JAZF1: variants seen among roughly 807,000 people sequenced by gnomAD.
JAZF1 encodes the protein juxtaposed with another zinc finger protein 1.
Under a neutral mutation model 26.4 loss-of-function variants are expected in JAZF1, and 8 were observed. That is an observed-to-expected ratio of 0.30 (90% CI 0.18 to 0.55). The LOEUF (loss-of-function observed/expected upper bound fraction) is 0.55, where lower values mean the gene tolerates loss of function less well. Among genes scored for constraint, JAZF1 ranks in the 20% least tolerant of loss-of-function variants. The pLI, the probability that JAZF1 is intolerant of heterozygous loss-of-function variation, is 0.94. For missense variants in JAZF1, 199 were observed against 322.0 expected, an observed-to-expected ratio of 0.62 and a Z score of 2.92; for synonymous variants, 126 against 122.3, an observed-to-expected ratio of 1.03 and a Z score of -0.20.
At chr7:27,947,305 C>T (rs752573535) in intron 2 of JAZF1, among the ~76,000 whole-genome samples, 4 of 152,204 alleles carry the variant, frequency 2.6e-5, no homozygotes, top group Non-Finnish European at 5.9e-5. Flanking sequence ...CTTTCAAATA[C>T]TTCCAAGATT....
intron 3 of JAZF1, chr7:27,844,194 G>C (rs1782976325): frequency 6.6e-6 from 1 of 152,200 alleles, no homozygotes; most frequent in African/African-American, 2.4e-5. Context: ...GAAAACTTTT[G>C]AGGCCAAAAC....
chr7:28,158,727 C>T (rs1783231874), intron 1 of JAZF1, among the ~76,000 whole-genome samples: 1 of 152,206 alleles, frequency 6.6e-6, no homozygotes, highest in Admixed American at 6.5e-5. Context: ...TGCCTAAGTC[C>T]TCTCACCATC....
intron 1 of JAZF1, among the ~76,000 whole-genome samples, chr7:28,056,635 C>G (rs1437283565): frequency 6.6e-6 from 1 of 152,158 alleles, no homozygotes; most frequent in Non-Finnish European, 1.5e-5. Flanking sequence ...AAACACAGCT[C>G]ATGAAATCAG....
chr7:27,981,731 C>G (rs966126730), intron 2 of JAZF1, among the ~76,000 whole-genome samples: 1 of 152,052 alleles, frequency 6.6e-6, no homozygotes, highest in African/African-American at 2.4e-5. Context: ...TGCCTATAGA[C>G]GGCTATAATA....
intron 1 of JAZF1, among the ~76,000 whole-genome samples, chr7:28,109,671 TA>T (rs370916960): frequency 1.3e-5 from 2 of 152,340 alleles, no homozygotes; most frequent in African/African-American, 4.8e-5. Flanking sequence ...TAGTCCTAGA[TA>T]ATAGAGCTAG....
At chr7:27,999,088 C>T (rs1447748792) in intron 1 of JAZF1, among the ~76,000 whole-genome samples, 1 of 152,142 alleles carries the variant, frequency 6.6e-6, no homozygotes, top group African/African-American at 2.4e-5. Context: ...GAGAAAAGAG[C>T]CTGCCAGAAA....
rs1277315174 is a variant in JAZF1 at position 27,945,333 on chromosome 7, T to A, written c.188+46576A>T. On this transcript the variant is annotated intron_variant, in intron 2 of 4. Coordinates refer to ENST00000283928, the MANE Select transcript of JAZF1 (RefSeq NM_175061.4). ...CGGGGCAAGCCATGCCCAGCACCAA[T>A]TCCCTGGACTAGGAAAAGCTCTGCT... Among the ~76,000 whole-genome samples the A allele has an allele frequency of 3.3e-5, 5 of 152,226 alleles. No homozygotes were observed. The East Asian group carries it at 5.8e-4, about 18-fold the overall frequency.
chr7:28,170,066 CT>C (rs1783430436), intron 1 of JAZF1, among the ~76,000 whole-genome samples: 2 of 151,834 alleles, frequency 1.3e-5, no homozygotes, highest in African/African-American at 4.8e-5. Context: ...GTTTTCAGTG[CT>C]TAACTCACAG....
At chr7:28,139,982 T>A (rs1782939134) in intron 1 of JAZF1, among the ~76,000 whole-genome samples, 1 of 151,964 alleles carries the variant, frequency 6.6e-6, no homozygotes, top group African/African-American at 2.4e-5. Context: ...GAGACGGAGG[T>A]TGGGGAGGGA....
chr7:28,084,520 G>A (rs569803781), intron 1 of JAZF1, among the ~76,000 whole-genome samples: 9 of 152,272 alleles, frequency 5.9e-5, no homozygotes, highest in African/African-American at 1.2e-4. Context: ...CTGGCTTCCC[G>A]TCAGGAAGTT....
intron 1 of JAZF1, among the ~76,000 whole-genome samples, chr7:28,000,622 C>CTTTTTTTTTTTTTTTTT (rs1190147547): frequency 1.6e-5 from 1 of 62,070 alleles, no homozygotes; most frequent in African/African-American, 4.1e-5. Context: ...TTCTTTCTTT[C>CTTTTTTTTTTTTTTTTT]TTTTTTTTTT....
intron 1 of JAZF1, among the ~76,000 whole-genome samples, chr7:28,014,088 C>T (rs923725643): frequency 4.9e-5 from 7 of 141,494 alleles, no homozygotes; most frequent in Non-Finnish European, 1.1e-4. Context: ...AAAATCCAAG[C>T]TTCCAACAGC....
intron 1 of JAZF1, among the ~76,000 whole-genome samples, chr7:28,009,423 T>A (rs1449665566): frequency 1.3e-5 from 2 of 151,860 alleles, no homozygotes; most frequent in Non-Finnish European, 2.9e-5. Flanking sequence ...GACACAAACA[T>A]ACGAAAGTTT....
At position 28,122,920 on chromosome 7, in the gene JAZF1, ATTATT is replaced by A. The variant is rs1406075404; in HGVS notation, c.115+57538_115+57542del. 2.6e-5 allele frequency among the ~76,000 whole-genome samples: 4 copies of A among 152,158 alleles called. No individual in the cohort carries two copies. The East Asian group carries it at 7.7e-4, about 29-fold the overall frequency. On this transcript the variant is annotated intron_variant, in intron 1 of 4. Coordinates refer to ENST00000283928, the MANE Select transcript of JAZF1 (RefSeq NM_175061.4). Reference sequence around the variant, plus strand: ...ACATTTCAGCCTCGATGAAATTCTCATTATTTCCTGAACACACCAAGATGCTGATA... The same window carrying A: ...ACATTTCAGCCTCGATGAAATTCTCATCCTGAACACACCAAGATGCTGATA...
intron 1 of JAZF1, among the ~76,000 whole-genome samples, chr7:28,033,096 C>T (rs1196292068): frequency 6.6e-6 from 1 of 152,102 alleles, no homozygotes; most frequent in Admixed American, 6.6e-5. Flanking sequence ...GTTACTTAAG[C>T]AAACTAGATG....
At chr7:28,128,947 G>A (rs1481815567) in intron 1 of JAZF1, among the ~76,000 whole-genome samples, 1 of 152,114 alleles carries the variant, frequency 6.6e-6, no homozygotes, top group Non-Finnish European at 1.5e-5. Context: ...TGGGAGAGAA[G>A]TAAAAAGAAA....
intron 1 of JAZF1, chr7:27,992,261 C>G: frequency 1.9e-6 from 1 of 518,276 alleles, no homozygotes. Context: ...TTGGTTTTCA[C>G]TGCTTACAGT....
At chr7:27,866,489 T>C (rs1427367069) in intron 3 of JAZF1, among the ~76,000 whole-genome samples, 2 of 152,216 alleles carry the variant, frequency 1.3e-5, no homozygotes, top group Non-Finnish European at 1.5e-5. Context: ...GAAGTAATAT[T>C]AGAGCTAACC....
At chr7:27,923,384 A>G (rs1055884472) in intron 2 of JAZF1, among the ~76,000 whole-genome samples, 1 of 152,236 alleles carries the variant, frequency 6.6e-6, no homozygotes, top group Non-Finnish European at 1.5e-5. Context: ...AGCCAAAGTT[A>G]AAACAGGCCA....
Sources: gnomAD v4.1 joint callset for allele counts (sites outside exome capture counted in the v4.1 genomes callset) on GRCh38, gnomAD v4.1.1 for gene constraint, MANE v1.5 for transcripts, NCBI Gene and HGNC (gene_info 2026-07-23, HGNC 2026-07-21) for gene names.